The following TASP1 variants were observed in gnomAD, a reference collection of about 807,000 sequenced individuals.
TASP1 encodes the protein taspase 1.
Under a neutral mutation model 56.6 loss-of-function variants are expected in TASP1, and 16 were observed. The observed-to-expected ratio is 0.28, with a 90% CI of 0.19 to 0.43. The LOEUF (loss-of-function observed/expected upper bound fraction) is 0.43. Among genes scored for constraint, TASP1 ranks in the 20% least tolerant of loss-of-function variants. The probability of loss-of-function intolerance (pLI) is 1.00; values close to 1 mark genes in which losing one functional copy is unlikely to be tolerated. For synonymous variants in TASP1, 179 were observed against 184.2 expected, an observed-to-expected ratio of 0.97 and a Z score of 0.23; for missense variants, 393 against 511.6, an observed-to-expected ratio of 0.77 and a Z score of 2.24.
the TASP1 span, among the ~76,000 whole-genome samples, chr20:13,359,792 G>A: frequency 8.6e-5 from 13 of 150,776 alleles, no homozygotes; most frequent in Non-Finnish European, 1.5e-4. Flanking sequence ...TCTCATTGCC[G>A]CCCTTCTTCC....
At chr20:13,187,449 T>G in the TASP1 span, among the ~76,000 whole-genome samples, 121 of 149,810 alleles carry the variant, frequency 8.1e-4, no homozygotes, top group Admixed American at 7.3e-4. Context: ...ACATTCCAAC[T>G]GTATAAAAAG....
chr20:13,558,307 T>C (rs1457710331), intron 8 of TASP1, among the ~76,000 whole-genome samples: 1 of 152,176 alleles, frequency 6.6e-6, no homozygotes, highest in Non-Finnish European at 1.5e-5. Context: ...AAGAATGTTG[T>C]AGTTTTCAAT....
chr20:13,190,531 T>C, the TASP1 span, among the ~76,000 whole-genome samples: 8 of 152,116 alleles, frequency 5.3e-5, no homozygotes, highest in Non-Finnish European at 1.2e-4. Context: ...ATGTTTCATA[T>C]ACACAAGAAT....
chr20:13,611,543 C>T (rs191721572), intron 4 of TASP1, among the ~76,000 whole-genome samples: 38 of 152,194 alleles, frequency 2.5e-4, no homozygotes, highest in Admixed American at 1.6e-3. Context: ...AAGCTCATTC[C>T]GGCTTTACTA....
intron 4 of TASP1, among the ~76,000 whole-genome samples, chr20:13,590,928 A>T (rs1256424515): frequency 6.6e-6 from 1 of 152,080 alleles, no homozygotes; most frequent in Non-Finnish European, 1.5e-5. Flanking sequence ...AATTTAAGGT[A>T]AAGGCACTTT....
chr20:13,516,368 A>C (rs2044532976), intron 10 of TASP1, among the ~76,000 whole-genome samples: 1 of 152,192 alleles, frequency 6.6e-6, no homozygotes, highest in Non-Finnish European at 1.5e-5. Flanking sequence ...GAGGGCACAC[A>C]CATCCTCGCT....
the TASP1 span, among the ~76,000 whole-genome samples, chr20:13,215,511 GC>G: frequency 5.9e-5 from 9 of 152,322 alleles, no homozygotes; most frequent in African/African-American, 1.9e-4. Flanking sequence ...TTGGCTATTT[GC>G]AGAAGAGGTC....
the TASP1 span, among the ~76,000 whole-genome samples, chr20:13,260,302 G>T: frequency 6.6e-6 from 1 of 152,192 alleles, no homozygotes; most frequent in Non-Finnish European, 1.5e-5. Flanking sequence ...GAGCTGTACA[G>T]GTGCATCATG....
chr20:13,298,901 T>G, the TASP1 span: 2 of 1,597,332 alleles, frequency 1.3e-6, no homozygotes, highest in African/African-American at 2.7e-5. Flanking sequence ...TGTGGGCCGG[T>G]TGTACACGCG....
the TASP1 span, among the ~76,000 whole-genome samples, chr20:13,152,511 C>T: frequency 4.6e-5 from 7 of 152,282 alleles, no homozygotes; most frequent in East Asian, 1.9e-4. Flanking sequence ...CAGTGTCCTG[C>T]GCAGTGGCTT....
Position 13,590,694 on chromosome 20 carries a change from C to T in TASP1, c.283-3324G>A, listed in dbSNP as rs980709129. On this transcript the variant is annotated intron_variant, in intron 4 of 13. Coordinates refer to ENST00000337743, the MANE Select transcript of TASP1 (RefSeq NM_017714.3). Reference sequence around the variant, plus strand: ...CAGCCTGGCCAACATGGTGAAACCCCATCTCTACTAAAAATACAAAAATTA... The same window carrying T: ...CAGCCTGGCCAACATGGTGAAACCCTATCTCTACTAAAAATACAAAAATTA... 2.9e-4 allele frequency among the ~76,000 whole-genome samples: 44 copies of T among 151,860 alleles called. 1 individual carries two copies. The highest frequency in any genetic ancestry group is 9.8e-4 in the Admixed American group (15 of 15,230).
chr20:13,312,046 T>C, the TASP1 span, among the ~76,000 whole-genome samples: 4 of 147,670 alleles, frequency 2.7e-5, no homozygotes, highest in African/African-American at 1.0e-4. Flanking sequence ...AGACAATTAA[T>C]CATTTGTCAG....
intron 2 of TASP1, among the ~76,000 whole-genome samples, chr20:13,625,518 C>A (rs2048859143): frequency 6.6e-6 from 1 of 152,174 alleles, no homozygotes; most frequent in Admixed American, 6.5e-5. Flanking sequence ...CTCCCCTCTT[C>A]TTTTCAAGAA....
chr20:13,366,888 T>A, the TASP1 span, among the ~76,000 whole-genome samples: 38 of 122,210 alleles, frequency 3.1e-4, 1 homozygote, highest in African/African-American at 4.6e-4. Flanking sequence ...ACACACACTC[T>A]CTCTCACACA....
chr20:13,452,917 C>T (rs2043677899), intron 11 of TASP1, among the ~76,000 whole-genome samples: 1 of 152,092 alleles, frequency 6.6e-6, no homozygotes, highest in South Asian at 2.1e-4. Flanking sequence ...GTATCCACTA[C>T]ATGATCTGGA....
intron 7 of TASP1, among the ~76,000 whole-genome samples, chr20:13,568,097 C>T (rs960180445): frequency 5.3e-5 from 8 of 152,170 alleles, no homozygotes; most frequent in African/African-American, 1.9e-4. Flanking sequence ...ATTTCTCTTC[C>T]CTCTAGCCTC....
intron 8 of TASP1, among the ~76,000 whole-genome samples, chr20:13,556,874 C>T (rs553932232): frequency 1.3e-5 from 2 of 152,320 alleles, no homozygotes; most frequent in East Asian, 3.9e-4. Context: ...CTCTATATCA[C>T]ATCATTTTGT....
intron 7 of TASP1, among the ~76,000 whole-genome samples, chr20:13,559,724 A>C (rs1322452461): frequency 6.6e-6 from 1 of 152,170 alleles, no homozygotes; most frequent in East Asian, 1.9e-4. Flanking sequence ...AGGGTAAAAA[A>C]GTGATCAACA....
At chr20:13,390,897 A>T (rs548677635) in intron 13 of TASP1, among the ~76,000 whole-genome samples, 1 of 152,328 alleles carries the variant, frequency 6.6e-6, no homozygotes, top group South Asian at 2.1e-4. Context: ...TTCCTTAAAG[A>T]ATTTCAGTAG....
Sources: allele counts gnomAD v4.1 joint callset (sites outside exome capture counted in the v4.1 genomes callset), GRCh38; gene constraint gnomAD v4.1.1; transcripts MANE v1.5; gene names NCBI Gene and HGNC (gene_info 2026-07-23, HGNC 2026-07-21).